Variants in FKBP1B observed in about 807,000 individuals in gnomAD.
The protein encoded by FKBP1B is FKBP prolyl isomerase 1B.
A neutral mutation model predicts 13.5 loss-of-function variants in FKBP1B; 4 were observed. The ratio of observed to expected loss-of-function variants is 0.30; its 90% CI spans 0.15 to 0.68. FKBP1B has a LOEUF of 0.68. Ranked by LOEUF, FKBP1B falls within the 30% of genes least tolerant of loss-of-function variation. The pLI is 0.76. For missense variants in FKBP1B, 93 were observed against 136.2 expected (o/e 0.68, Z 1.58); for synonymous variants, 54 against 53.6 (o/e 1.01, Z -0.03).
upstream of FKBP1B, chr2:24,049,691 T>C (rs1371904253): frequency 3.0e-5 from 14 of 472,688 alleles, no homozygotes; most frequent in Non-Finnish European, 1.3e-5. Flanking sequence ...CCCTTGCCAG[T>C]GGCCCCTCCC....
intron 3 of FKBP1B, 100 bp from the exon 4 acceptor site, chr2:24,062,964 T>C: frequency 6.4e-7 from 1 of 1,556,246 alleles, no homozygotes; most frequent in East Asian, 2.3e-5. Context: ...GAGTTAACAT[T>C]GAGGATGGTT....
chr2:24,037,676 C>A, the FKBP1B span: 1 of 1,603,036 alleles, frequency 6.2e-7, no homozygotes, highest in East Asian at 2.2e-5. Flanking sequence ...GGAGAATTTA[C>A]CTGGTAAATG....
the FKBP1B span, among the ~76,000 whole-genome samples, chr2:24,041,208 G>C: frequency 2.0e-5 from 3 of 150,580 alleles, no homozygotes; most frequent in Non-Finnish European, 4.4e-5. Flanking sequence ...GCATGGTGGC[G>C]CATGCCTGTA....
intron 3 of FKBP1B, among the ~76,000 whole-genome samples, chr2:24,061,958 G>T (rs965741148): frequency 1.3e-5 from 2 of 151,900 alleles, no homozygotes; most frequent in East Asian, 1.9e-4. Flanking sequence ...CAAGCTCCGC[G>T]TCCTGGGTTC....
Position 24,060,798 on chromosome 2 carries a change from AT to A in FKBP1B, c.86-14del. ...CATGACCACAGCTCTATTGCACCCGATTCTTGCTTTGACAGGAATGCTCCAA... is the reference window on the plus strand; with the variant it reads ...CATGACCACAGCTCTATTGCACCCGATCTTGCTTTGACAGGAATGCTCCAA... On this transcript the variant is annotated splice_polypyrimidine_tract_variant and intron_variant, in intron 2 of 3. Coordinates refer to ENST00000380986, the MANE Select transcript of FKBP1B (RefSeq NM_004116.5). The A allele has an allele frequency of 1.2e-6, 2 of 1,603,284 alleles. No homozygotes were observed. The highest frequency in any genetic ancestry group is 1.7e-6 in the Non-Finnish European group (2 of 1,170,244).
At chr2:24,053,070 C>T (rs1663952412) in intron 1 of FKBP1B, among the ~76,000 whole-genome samples, 1 of 151,830 alleles carries the variant, frequency 6.6e-6, no homozygotes, top group Non-Finnish European at 1.5e-5. Context: ...CTTGGCACAC[C>T]ATAGGTACTC....
At chr2:24,043,104 C>T in the FKBP1B span, among the ~76,000 whole-genome samples, 10 of 151,616 alleles carry the variant, frequency 6.6e-5, 1 homozygote, top group African/African-American at 1.2e-4. Context: ...CAGGCCAAGG[C>T]GGGTGGATCA....
At chr2:24,056,325 G>A (rs565940842) in intron 2 of FKBP1B, among the ~76,000 whole-genome samples, 1 of 151,496 alleles carries the variant, frequency 6.6e-6, no homozygotes, top group South Asian at 2.1e-4. Context: ...TGAGCGTTCA[G>A]TACCATTTCA....
At chr2:24,052,112 G>A (rs1048051836) in intron 1 of FKBP1B, among the ~76,000 whole-genome samples, 1 of 152,068 alleles carries the variant, frequency 6.6e-6, no homozygotes, top group African/African-American at 2.4e-5. Context: ...CTGATTGCAT[G>A]ACCTGTCAGC....
rs1360332255 is a variant in FKBP1B at position 24,050,348 on chromosome 2, G to T, written c.37+462G>T. On this transcript the variant is annotated intron_variant, in intron 1 of 3. Coordinates refer to ENST00000380986, the MANE Select transcript of FKBP1B (RefSeq NM_004116.5). This position sits in a 1 kb window ranked among gnomAD's most constrained non-coding sequence, Gnocchi z 5.8. ...GGCCTCCCCTCGGTCGCTTCCCTGC[G>T]GGCCGGGCTGTGAGCGGCTGTGGGG... Among the ~76,000 whole-genome samples the T allele has an allele frequency of 6.6e-6, 1 of 152,316 alleles. No homozygotes were observed. Among genetic ancestry groups the T allele is most frequent in the South Asian group, 2.1e-4 (1 of 4,828 alleles).
At chr2:24,059,371 C>CTGGG (rs1553320897) in intron 2 of FKBP1B, among the ~76,000 whole-genome samples, 3 of 100,000 alleles carry the variant, frequency 3.0e-5, no homozygotes, top group Middle Eastern at 5.2e-3. Context: ...GGACCAGCAC[C>CTGGG]TGGGGGGGGG....
rs1663795656 is a variant in FKBP1B, at chr2:24,050,122, C to G, written c.37+236C>G. Among the ~76,000 whole-genome samples, 1 of 151,982 alleles carries G rather than the reference C, an allele frequency of 6.6e-6. No individual in the cohort carries two copies. The highest frequency in any genetic ancestry group is 1.5e-5 in the Non-Finnish European group (1 of 67,942). ...GCAGCTCGGAGGCGGGGGTCTGCGG[C>G]CCGGAGGCGGGGGTCTGCGGCCCGC... On this transcript the variant is annotated intron_variant, in intron 1 of 3. Coordinates refer to ENST00000380986, the MANE Select transcript of FKBP1B (RefSeq NM_004116.5). The surrounding 1 kb of genome is among the most constrained non-coding windows in gnomAD (Gnocchi z 5.8).
At chr2:24,053,084 A>T (rs1488963509) in intron 1 of FKBP1B, among the ~76,000 whole-genome samples, 2 of 151,896 alleles carry the variant, frequency 1.3e-5, no homozygotes, top group Non-Finnish European at 2.9e-5. Context: ...GGTACTCAGT[A>T]AATATTTGTG....
intron 1 of FKBP1B, 69 bp downstream of exon 1, chr2:24,049,955 G>C (rs1663778329): frequency 7.8e-7 from 1 of 1,281,846 alleles, no homozygotes; most frequent in East Asian, 3.1e-5. Context: ...GCGGGGGTCT[G>C]ATTCGGAGGT....
Position 24,063,465 on chromosome 2 carries a change from C to T in FKBP1B, c.*273C>T. On this transcript the variant is annotated 3_prime_UTR_variant, in exon 4 of 4. Coordinates refer to ENST00000380986, the MANE Select transcript of FKBP1B (RefSeq NM_004116.5). ...GTAGTAGCCTTTCCTGATGACAGAA[C>T]ACAGATCTCTTGTTCGCACAATCTA... 4 of 377,408 alleles carry T rather than the reference C, an allele frequency of 1.1e-5. No homozygotes were observed. Among genetic ancestry groups the T allele is most frequent in the South Asian group, 6.7e-5 (1 of 15,022 alleles). The allele number at this position is 377,408 out of a possible 1,614,324, so 23.4% of individuals were successfully genotyped here.
the FKBP1B span, among the ~76,000 whole-genome samples, chr2:24,044,650 C>T: frequency 2.0e-5 from 3 of 152,000 alleles, no homozygotes; most frequent in African/African-American, 7.2e-5. Flanking sequence ...TTCTCAAAAA[C>T]GCAGTGATAA....
chr2:24,052,598 T>C (rs1429318442), intron 1 of FKBP1B, among the ~76,000 whole-genome samples: 13 of 152,240 alleles, frequency 8.5e-5, no homozygotes, highest in Admixed American at 8.5e-4. Context: ...TACATCATTG[T>C]GTGTATTTTC....
intron 3 of FKBP1B, among the ~76,000 whole-genome samples, chr2:24,061,911 C>T (rs1344600048): frequency 6.6e-6 from 1 of 152,088 alleles, no homozygotes; most frequent in Non-Finnish European, 1.5e-5. Flanking sequence ...ACTCTGTCAC[C>T]AAGGCTGGAC....
chr2:24,060,034 C>G (rs1664313768), intron 2 of FKBP1B, among the ~76,000 whole-genome samples: 1 of 151,590 alleles, frequency 6.6e-6, no homozygotes, highest in South Asian at 2.1e-4. Flanking sequence ...TTGTGAAGTG[C>G]CTGTATGCAA....
Sources: gnomAD v4.1 joint callset for allele counts (sites outside exome capture counted in the v4.1 genomes callset) on GRCh38, gnomAD v4.1.1 for gene constraint, Gnocchi (gnomAD v3.1) non-coding constraint, MANE v1.5 for transcripts, NCBI Gene and HGNC (gene_info 2026-07-23, HGNC 2026-07-21) for gene names.